The following KSR2 variants were observed in gnomAD, a reference collection of about 807,000 sequenced individuals.
KSR2 encodes kinase suppressor of ras 2.
KSR2 carries 25 observed loss-of-function variants against 107.8 expected under a neutral mutation model. The ratio of observed to expected loss-of-function variants is 0.23; its 90% CI spans 0.17 to 0.32. The LOEUF (loss-of-function observed/expected upper bound fraction) is 0.32, where lower values mean the gene tolerates loss of function less well. Among genes scored for constraint, KSR2 ranks in the 10% least tolerant of loss-of-function variants. The pLI is 1.00. For missense variants in KSR2, 887 were observed against 1,268.9 expected (o/e 0.70, Z 4.57); for synonymous variants, 480 against 507.0 (o/e 0.95, Z 0.71).
At chr12:117,926,642 C>A (rs1244772270) in intron 1 of KSR2, among the ~76,000 whole-genome samples, 1 of 152,226 alleles carries the variant, frequency 6.6e-6, no homozygotes, top group Non-Finnish European at 1.5e-5. Flanking sequence ...AGAAAAATCA[C>A]CCAGCAGCCA....
At position 117,860,145 on chromosome 12, in the gene KSR2, T is replaced by C. The variant is rs76791007; in HGVS notation, c.321+146A>G. The stretch of plus-strand genomic sequence containing the variant: ...TTCAGACAGCATCAGCGATCCTGAA[T>C]GTTTTCGTCCAGCACATATTTATTG... On this transcript the variant is annotated intron_variant, in intron 2 of 19. Coordinates refer to ENST00000339824, the MANE Select transcript of KSR2 (RefSeq NM_173598.6). 874 of 773,168 alleles carry C rather than the reference T, an allele frequency of 1.1e-3. 3 individuals are homozygous for C. In the African/African-American group the frequency reaches 0.014, roughly 12 times the overall value. The allele number at this position is 773,168 out of a possible 1,614,324, so 47.9% of individuals were successfully genotyped here.
intron 1 of KSR2, among the ~76,000 whole-genome samples, chr12:117,908,263 C>CT (rs201939871): frequency 0.053 from 7,552 of 141,432 alleles, 494 homozygotes; most frequent in East Asian, 0.29. Context: ...TTGTTTGCGC[C>CT]TTTTTTTTTT....
chr12:117,499,818 C>T (rs1488008299), intron 14 of KSR2, among the ~76,000 whole-genome samples: 3 of 152,252 alleles, frequency 2.0e-5, no homozygotes, highest in East Asian at 1.9e-4. Flanking sequence ...GGCAGGCAGA[C>T]GCGTGGTAGG....
At position 117,933,406 on chromosome 12, in the gene KSR2, C is replaced by T. The variant is rs551165585; in HGVS notation, c.180+34670G>A. Among the ~76,000 whole-genome samples the T allele has an allele frequency of 4.2e-4, 64 of 152,082 alleles. 1 individual carries two copies. The South Asian group carries it at 0.01, about 24-fold the overall frequency. On this transcript the variant is annotated intron_variant, in intron 1 of 19. Transcript: ENST00000339824. The stretch of plus-strand genomic sequence containing the variant: ...GAGATCAAGACCATCCTGGCTAACA[C>T]GGTGAGACTCCGTCTCTACTGAAAA...
chr12:117,495,251 T>G (rs1489930038), intron 14 of KSR2, among the ~76,000 whole-genome samples: 1 of 152,156 alleles, frequency 6.6e-6, no homozygotes, highest in Non-Finnish European at 1.5e-5. Flanking sequence ...AGTAAATAAA[T>G]CACATTCCAA....
chr12:117,744,173 A>T (rs2136795540), intron 4 of KSR2, among the ~76,000 whole-genome samples: 1 of 152,216 alleles, frequency 6.6e-6, no homozygotes, highest in Non-Finnish European at 1.5e-5. Context: ...CTGCTGCTTG[A>T]AAAGTTGCAT....
intron 1 of KSR2, among the ~76,000 whole-genome samples, chr12:117,881,951 T>C (rs1236738177): frequency 6.6e-6 from 1 of 152,190 alleles, no homozygotes; most frequent in African/African-American, 2.4e-5. Flanking sequence ...AGTCCTCCTA[T>C]TCAGGGCTGC....
intron 1 of KSR2, among the ~76,000 whole-genome samples, chr12:117,933,538 G>A (rs2137506242): frequency 6.6e-6 from 1 of 152,026 alleles, no homozygotes; most frequent in South Asian, 2.1e-4. Flanking sequence ...CTTGCAGTGA[G>A]CTGAGATCAT....
chr12:117,838,665 T>G (rs1892342256), intron 3 of KSR2, among the ~76,000 whole-genome samples: 2 of 152,150 alleles, frequency 1.3e-5, no homozygotes, highest in Non-Finnish European at 2.9e-5. Context: ...TGTGCAAATA[T>G]TCATTCACCC....
At chr12:117,680,554 C>T (rs746235639) in intron 4 of KSR2, among the ~76,000 whole-genome samples, 1 of 152,156 alleles carries the variant, frequency 6.6e-6, no homozygotes, top group African/African-American at 2.4e-5. Flanking sequence ...ATCTCTCTCT[C>T]CTCTCCTCCT....
At chr12:117,553,031 G>T (rs1877415295) in intron 9 of KSR2, among the ~76,000 whole-genome samples, 1 of 152,220 alleles carries the variant, frequency 6.6e-6, no homozygotes, top group Admixed American at 6.5e-5. Flanking sequence ...CTAAGTTTGG[G>T]TGGTTTGTTG....
chr12:117,698,531 GC>G (rs1886164560), intron 4 of KSR2, among the ~76,000 whole-genome samples: 1 of 151,354 alleles, frequency 6.6e-6, no homozygotes, highest in African/African-American at 2.4e-5. Context: ...TTGCTATGTT[GC>G]CCAGGCTGGT....
intron 1 of KSR2, among the ~76,000 whole-genome samples, chr12:117,923,035 G>A (rs1276381460): frequency 2.0e-5 from 3 of 152,068 alleles, no homozygotes; most frequent in African/African-American, 7.2e-5. Flanking sequence ...GTACTTTTTT[G>A]GTGACTTCAC....
At chr12:117,620,578 C>G (rs1223616228) in intron 5 of KSR2, among the ~76,000 whole-genome samples, 1 of 152,146 alleles carries the variant, frequency 6.6e-6, no homozygotes, top group South Asian at 2.1e-4. Context: ...ACTATTGAAG[C>G]TTATGCACTC....
chr12:117,825,373 G>A (rs1421117021), intron 3 of KSR2, among the ~76,000 whole-genome samples: 1 of 152,226 alleles, frequency 6.6e-6, no homozygotes, highest in East Asian at 1.9e-4. Context: ...GGGTAAATGT[G>A]TGCAGGGATG....
At chr12:117,735,984 G>T (rs1170741515) in intron 4 of KSR2, among the ~76,000 whole-genome samples, 1 of 152,180 alleles carries the variant, frequency 6.6e-6, no homozygotes, top group Non-Finnish European at 1.5e-5. Context: ...TGTTGAGAAG[G>T]ATTCTGAAGT....
At chr12:117,578,652 C>T (rs533540296) in intron 7 of KSR2, among the ~76,000 whole-genome samples, 137 of 149,484 alleles carry the variant, frequency 9.2e-4, no homozygotes, top group African/African-American at 3.2e-3. Flanking sequence ...TTGGCAAATT[C>T]TAACTCAGGG....
intron 3 of KSR2, among the ~76,000 whole-genome samples, chr12:117,796,895 G>C (rs1467713553): frequency 6.6e-6 from 1 of 152,138 alleles, no homozygotes; most frequent in Non-Finnish European, 1.5e-5. Context: ...AGCCAAGGAG[G>C]CCAGCCCAAA....
chr12:117,936,530 TTATTAG>T (rs1263135848), intron 1 of KSR2, among the ~76,000 whole-genome samples: 307 of 115,292 alleles, frequency 2.7e-3, no homozygotes, highest in South Asian at 7.4e-3. Flanking sequence ...ATTATTATTA[TTATTAG>T]TAGTAGTAGT....
Sources: gnomAD v4.1 joint callset for allele counts (sites outside exome capture counted in the v4.1 genomes callset) on GRCh38, gnomAD v4.1.1 for gene constraint, MANE v1.5 for transcripts, NCBI Gene and HGNC (gene_info 2026-07-23, HGNC 2026-07-21) for gene names.